INPP5D: variants seen among roughly 807,000 people sequenced by gnomAD.
INPP5D encodes inositol polyphosphate-5-phosphatase D, also known as phosphatidylinositol 3,4,5-trisphosphate 5-phosphatase 1.
Under a neutral mutation model 122.9 loss-of-function variants are expected in INPP5D, and 33 were observed. That is an observed-to-expected ratio of 0.27 (90% confidence interval 0.20 to 0.36). INPP5D has a LOEUF of 0.36. Among genes scored for constraint, INPP5D ranks in the 10% least tolerant of loss-of-function variants. INPP5D has a pLI of 1.00. For synonymous variants in INPP5D, 584 were observed against 576.2 expected (o/e 1.01, Z -0.19); for missense variants, 1,053 against 1,412.7 (o/e 0.75, Z 4.08).
chr2:233,146,135 C>T (rs1193253757), intron 6 of INPP5D, 27 bp from the exon 7 acceptor site: 4 of 703,962 alleles, frequency 5.7e-6, no homozygotes, highest in Middle Eastern at 2.3e-4. Context: ...GTGATGCTGC[C>T]CTGATCCTCT....
At chr2:233,200,179 C>A (rs376551124) in intron 25 of INPP5D, among the ~76,000 whole-genome samples, 1 of 152,170 alleles carries the variant, frequency 6.6e-6, no homozygotes, top group Non-Finnish European at 1.5e-5. Context: ...GATAGGAGAC[C>A]GGGCTACGCA....
intron 23 of INPP5D, among the ~76,000 whole-genome samples, chr2:233,194,428 C>T (rs577639986): frequency 9.2e-5 from 14 of 151,372 alleles, no homozygotes; most frequent in Admixed American, 2.0e-4. Flanking sequence ...AACAGGCCCT[C>T]GTACGTACCT....
rs1254964026 is a variant in INPP5D, at chr2:233,074,270, G to GT, written c.135-5065_135-5064insT. Reference sequence around the variant, plus strand: ...ACACAGAGGATGGGCTCCCTCCAAGGGTTGAGAGGGGGCGCCTCATACCTG... The same window carrying GT: ...ACACAGAGGATGGGCTCCCTCCAAGGTGTTGAGAGGGGGCGCCTCATACCTG... On this transcript the variant is annotated intron_variant, in intron 1 of 26. Transcript: ENST00000445964. Among the ~76,000 whole-genome samples the GT allele has an allele frequency of 5.9e-5, 9 of 152,272 alleles. 1 individual carries two copies. The East Asian group carries it at 1.7e-3, about 29-fold the overall frequency.
At chr2:233,201,986 G>A (rs531439046) in intron 25 of INPP5D, among the ~76,000 whole-genome samples, 6 of 133,632 alleles carry the variant, frequency 4.5e-5, no homozygotes, top group South Asian at 2.4e-4. Flanking sequence ...AGTCTTCCCC[G>A]CCCGCCCCAC....
intron 2 of INPP5D, among the ~76,000 whole-genome samples, chr2:233,091,544 A>G (rs1243306989): frequency 1.3e-5 from 2 of 152,170 alleles, no homozygotes; most frequent in Non-Finnish European, 2.9e-5. Flanking sequence ...CTTCAGAACC[A>G]GTAATGGCCC....
rs75679317 is a variant in INPP5D, at chr2:233,076,504, T to C, written c.135-2831T>C. The C allele has an allele frequency of 2.6e-5, 4 of 152,276 alleles. No individual in the cohort carries two copies. The East Asian group carries it at 7.7e-4, about 29-fold the overall frequency. The allele number at this position is 152,276 out of a possible 1,614,324, so 9.4% of individuals were successfully genotyped here. On this transcript the variant is annotated intron_variant, in intron 1 of 26. Coordinates refer to ENST00000445964, the MANE Select transcript of INPP5D (RefSeq NM_001017915.3). ...CTTTTCTATGTGAAGTGAAGAGACA[T>C]GTGGAAGTGAAATTACTCAAAATTC... is the stretch of plus-strand genomic sequence containing the variant.
At chr2:233,086,306 G>A (rs1227255295) in intron 2 of INPP5D, among the ~76,000 whole-genome samples, 2 of 152,050 alleles carry the variant, frequency 1.3e-5, no homozygotes, top group East Asian at 3.9e-4. Context: ...AGCCTCCCAA[G>A]TAGCTGGGAT....
intron 25 of INPP5D, among the ~76,000 whole-genome samples, chr2:233,201,359 G>A (rs568218070): frequency 2.6e-5 from 4 of 152,312 alleles, no homozygotes; most frequent in South Asian, 2.1e-4. Flanking sequence ...GCATAACAAC[G>A]AGCACACAGC....
chr2:233,184,735 G>A (rs1694866598), intron 20 of INPP5D, among the ~76,000 whole-genome samples: 1 of 152,180 alleles, frequency 6.6e-6, no homozygotes, highest in Non-Finnish European at 1.5e-5. Flanking sequence ...GGCAGGGGTG[G>A]CCATGAATGT....
chr2:233,086,493 C>G (rs1428257912), intron 2 of INPP5D, among the ~76,000 whole-genome samples: 2 of 152,052 alleles, frequency 1.3e-5, no homozygotes, highest in African/African-American at 2.4e-5. Flanking sequence ...TAGCCTCTTT[C>G]CTACCTTTGG....
Position 233,177,811 on chromosome 2 carries a change from G to A in INPP5D, c.2071+465G>A, listed in dbSNP as rs376549785. Among the ~76,000 whole-genome samples the A allele has an allele frequency of 3.9e-5, 6 of 152,164 alleles. No homozygotes were observed. The East Asian group carries it at 5.8e-4, about 15-fold the overall frequency. On this transcript the variant is annotated intron_variant, in intron 18 of 26. Transcript: ENST00000445964. The surrounding 1 kb of genome is among the most constrained non-coding windows in gnomAD (Gnocchi z 4.2). ...GCTGGTTGCAAACTCCTGACCTCAG[G>A]TGGTCAGCCCACCTCGGCCTCCCAA...
intron 6 of INPP5D, chr2:233,141,573 A>T (rs1274011582): frequency 8.8e-6 from 1 of 113,622 alleles, no homozygotes; most frequent in Non-Finnish European, 1.9e-5. Context: ...TCTCCATCTA[A>T]AACAGAAAAA....
chr2:233,079,013 C>T (rs916926301), intron 1 of INPP5D, among the ~76,000 whole-genome samples: 3 of 152,204 alleles, frequency 2.0e-5, no homozygotes, highest in African/African-American at 7.2e-5. Flanking sequence ...ATCTTCTTGG[C>T]AGCCGAGAGG....
In INPP5D at chr2:233,188,737, T is replaced by A. The variant is rs1165665347; in HGVS notation, c.2359-1113T>A. Among the ~76,000 whole-genome samples the A allele has an allele frequency of 2.6e-5, 4 of 151,746 alleles. No individual in the cohort carries two copies. The highest frequency in any genetic ancestry group is 5.9e-5 in the Non-Finnish European group (4 of 67,770). ...CCATCAAGCCTCGCTAATTTCTGTA[T>A]TTTTTAGTAGAGACGGGGTTTCACC... On this transcript the variant is annotated intron_variant, in intron 21 of 26. Coordinates refer to ENST00000445964, the MANE Select transcript of INPP5D (RefSeq NM_001017915.3). The surrounding 1 kb of genome is among the most constrained non-coding windows in gnomAD (Gnocchi z 4.7).
intron 5 of INPP5D, among the ~76,000 whole-genome samples, chr2:233,132,830 A>G (rs1247151583): frequency 6.6e-6 from 1 of 151,654 alleles, no homozygotes; most frequent in African/African-American, 2.4e-5. Flanking sequence ...GCCTTTTTGG[A>G]TCTAACATCT....
intron 2 of INPP5D, among the ~76,000 whole-genome samples, chr2:233,115,821 G>T (rs1313054388): frequency 6.6e-6 from 1 of 152,166 alleles, no homozygotes; most frequent in Non-Finnish European, 1.5e-5. Context: ...AAACTTCTCT[G>T]CAAGGAGACT....
intron 2 of INPP5D, among the ~76,000 whole-genome samples, chr2:233,087,219 C>T (rs1362894436): frequency 1.3e-5 from 2 of 152,154 alleles, no homozygotes; most frequent in Non-Finnish European, 2.9e-5. Context: ...TTGATCACCC[C>T]AGAAAAATAG....
intron 2 of INPP5D, among the ~76,000 whole-genome samples, chr2:233,096,972 A>T (rs1248597174): frequency 6.6e-6 from 1 of 152,184 alleles, no homozygotes; most frequent in Non-Finnish European, 1.5e-5. Context: ...ATTTAGGGAA[A>T]ATGCTATTTT....
At chr2:233,083,551 A>C (rs1486188074) in intron 2 of INPP5D, among the ~76,000 whole-genome samples, 1 of 152,146 alleles carries the variant, frequency 6.6e-6, no homozygotes, top group African/African-American at 2.4e-5. Context: ...ACTGTCCCAC[A>C]CCAAGAGAGT....
Sources: gnomAD v4.1 joint callset for allele counts (sites outside exome capture counted in the v4.1 genomes callset) on GRCh38, gnomAD v4.1.1 for gene constraint, Gnocchi (gnomAD v3.1) non-coding constraint, MANE v1.5 for transcripts, NCBI Gene and HGNC (gene_info 2026-07-23, HGNC 2026-07-21) for gene names.